The following PATJ variants were observed in gnomAD, a reference collection of about 807,000 sequenced individuals.
PATJ encodes the protein inaD-like protein.
In PATJ, 190 loss-of-function variants were observed where a neutral mutation model predicts 224.9. That is an observed-to-expected ratio of 0.84 (90% CI 0.75 to 0.95). PATJ has a LOEUF of 0.95. Among genes scored for constraint, PATJ ranks in the 40% least tolerant of loss-of-function variants. The probability of loss-of-function intolerance (pLI) is 0.00; values close to 1 mark genes in which losing one functional copy is unlikely to be tolerated. For synonymous variants in PATJ, 769 were observed against 820.3 expected, an observed-to-expected ratio of 0.94 and a Z score of 1.07; for missense variants, 2,121 against 2,270.3, an observed-to-expected ratio of 0.93 and a Z score of 1.34.
intron 43 of PATJ, among the ~76,000 whole-genome samples, chr1:62,157,855 AT>A (rs58525659): frequency 0.083 from 4,218 of 50,854 alleles, 258 homozygotes; most frequent in African/African-American, 0.2. Flanking sequence ...AAAAAAAAAA[AT>A]AATCCAAGCC....
chr1:62,121,541 G>A (rs111276102), intron 38 of PATJ, among the ~76,000 whole-genome samples: 2,497 of 151,816 alleles, frequency 0.016, 73 homozygotes, highest in African/African-American at 0.057. Flanking sequence ...TGTGGCGGGC[G>A]GATCACCTGA....
At chr1:62,045,435 A>G (rs991421343) in intron 30 of PATJ, among the ~76,000 whole-genome samples, 1 of 152,178 alleles carries the variant, frequency 6.6e-6, no homozygotes, top group African/African-American at 2.4e-5. Flanking sequence ...CTTATGTGGA[A>G]GATTTTGGGA....
intron 28 of PATJ, among the ~76,000 whole-genome samples, chr1:62,014,092 G>A (rs1036592154): frequency 6.6e-6 from 1 of 151,878 alleles, no homozygotes; most frequent in Admixed American, 6.6e-5. Context: ...TTCTCACTCT[G>A]TCAATCAGCC....
chr1:62,039,057 T>A, intron 30 of PATJ: 1 of 914,442 alleles, frequency 1.1e-6, no homozygotes, highest in Non-Finnish European at 1.8e-6. Flanking sequence ...ATGGGAACAT[T>A]ATGATCCAGA....
chr1:62,047,293 G>A lies in PATJ; in HGVS notation c.4033-3673G>A, dbSNP rs987295721. On this transcript the variant is annotated intron_variant, in intron 30 of 43. Transcript: ENST00000642238. The stretch of plus-strand genomic sequence containing the variant: ...TTTTTTTGAGACGGAGTCTCTCTCT[G>A]TTGCCCAGGCTGGAGTGCAGTGGCG... Among the ~76,000 whole-genome samples, 3 of 152,314 alleles carry A rather than the reference G, an allele frequency of 2.0e-5. 1 individual carries two copies. The East Asian group carries it at 5.8e-4, about 29-fold the overall frequency.
At chr1:61,864,208 T>G (rs779980861) in intron 19 of PATJ, 30 bp from the exon 20 acceptor site, 1 of 1,548,408 alleles carries the variant, frequency 6.5e-7, no homozygotes, top group Admixed American at 1.9e-5. Flanking sequence ...CAGGCGTAAC[T>G]TCACATTTTT....
intron 1 of PATJ, among the ~76,000 whole-genome samples, chr1:61,757,932 A>G (rs1286792316): frequency 6.6e-6 from 1 of 152,130 alleles, no homozygotes; most frequent in African/African-American, 2.4e-5. Context: ...GATTACAGGC[A>G]CATGCCAGCA....
chr1:61,909,730 C>T (rs1672347351), intron 25 of PATJ, among the ~76,000 whole-genome samples: 1 of 152,104 alleles, frequency 6.6e-6, no homozygotes, highest in African/African-American at 2.4e-5. Flanking sequence ...ATTTGCTTTC[C>T]AATATAGTTT....
At chr1:61,768,185 T>C (rs1242676188) in intron 4 of PATJ, among the ~76,000 whole-genome samples, 1 of 151,956 alleles carries the variant, frequency 6.6e-6, no homozygotes, top group Non-Finnish European at 1.5e-5. Flanking sequence ...AGAATATCAA[T>C]TGGGCTGCGC....
chr1:62,007,459 T>C (rs1646161064), intron 28 of PATJ, among the ~76,000 whole-genome samples: 1 of 152,256 alleles, frequency 6.6e-6, no homozygotes, highest in South Asian at 2.1e-4. Flanking sequence ...TGTATCTTTT[T>C]GGATGCCAAG....
chr1:62,051,379 A>C (rs961939510), intron 31 of PATJ, among the ~76,000 whole-genome samples: 4 of 152,132 alleles, frequency 2.6e-5, no homozygotes, highest in African/African-American at 4.8e-5. Context: ...GCTGGAGCAC[A>C]GTGGTGCAAT....
At chr1:62,049,403 T>C (rs1653174636) in intron 30 of PATJ, among the ~76,000 whole-genome samples, 1 of 152,176 alleles carries the variant, frequency 6.6e-6, no homozygotes, top group Non-Finnish European at 1.5e-5. Context: ...GTCCATTTGA[T>C]AGTTGAAAGA....
chr1:62,066,925 T>A (rs1398089312), intron 31 of PATJ, among the ~76,000 whole-genome samples: 2 of 151,822 alleles, frequency 1.3e-5, no homozygotes, highest in African/African-American at 4.8e-5. Context: ...GAATCATGAG[T>A]CACAAGTCCA....
chr1:62,159,202 T>C (rs780525629), intron 43 of PATJ, among the ~76,000 whole-genome samples: 4 of 148,844 alleles, frequency 2.7e-5, no homozygotes, highest in Non-Finnish European at 5.9e-5. Flanking sequence ...AGTTTTGGGG[T>C]TTATTTTTGA....
At chr1:61,751,191 G>A (rs774351932) in intron 1 of PATJ, among the ~76,000 whole-genome samples, 42 of 151,736 alleles carry the variant, frequency 2.8e-4, no homozygotes, top group Admixed American at 5.3e-4. Flanking sequence ...TAGTGGAGAC[G>A]GGGTTTCACA....
intron 27 of PATJ, among the ~76,000 whole-genome samples, chr1:61,945,042 C>T (rs1678451103): frequency 6.6e-6 from 1 of 152,174 alleles, no homozygotes; most frequent in Non-Finnish European, 1.5e-5. Context: ...ATTTTGTCAC[C>T]ACCAGGCCTG....
At chr1:61,825,719 G>A (rs186526389) in intron 15 of PATJ, among the ~76,000 whole-genome samples, 6 of 151,998 alleles carry the variant, frequency 3.9e-5, no homozygotes, top group Admixed American at 3.3e-4. Context: ...TATAATAATT[G>A]GAGACAATTC....
intron 29 of PATJ, among the ~76,000 whole-genome samples, chr1:62,021,706 A>T (rs2148411045): frequency 6.6e-6 from 1 of 152,252 alleles, no homozygotes; most frequent in East Asian, 1.9e-4. Flanking sequence ...AGGGAGAAAA[A>T]ACATATAGGA....
intron 43 of PATJ, among the ~76,000 whole-genome samples, chr1:62,160,399 CTTTA>C (rs1434586988): frequency 6.6e-6 from 1 of 152,108 alleles, no homozygotes; most frequent in Non-Finnish European, 1.5e-5. Flanking sequence ...TAGATAACAG[CTTTA>C]TTGAGATATA....
Sources: gnomAD v4.1 joint callset for allele counts (sites outside exome capture counted in the v4.1 genomes callset) on GRCh38, gnomAD v4.1.1 for gene constraint, MANE v1.5 for transcripts, NCBI Gene and HGNC (gene_info 2026-07-23, HGNC 2026-07-21) for gene names.